Variants in SUGCT observed in about 807,000 individuals in gnomAD.
SUGCT encodes the protein succinyl-CoA:glutarate CoA-transferase.
In SUGCT, 41 loss-of-function variants were observed where a neutral mutation model predicts 55.0. The observed-to-expected ratio is 0.74, with a 90% CI of 0.58 to 0.97. The LOEUF is 0.97. Among genes scored for constraint, SUGCT ranks in the 50% least tolerant of loss-of-function variants. The pLI is 0.00. For missense variants in SUGCT, 568 were observed against 547.8 expected (o/e 1.04, Z -0.37); for synonymous variants, 187 against 200.4 (o/e 0.93, Z 0.56).
chr7:40,582,435 TTA>T (rs1319393735), intron 12 of SUGCT, among the ~76,000 whole-genome samples: 1 of 152,192 alleles, frequency 6.6e-6, no homozygotes, highest in African/African-American at 2.4e-5. Context: ...CACTACACTA[TTA>T]TAATTGAGGC....
rs548940126 is a variant in SUGCT at position 40,669,478 on chromosome 7, A to G, written c.1090-79956A>G. Among the ~76,000 whole-genome samples the G allele has an allele frequency of 2.0e-5, 3 of 152,226 alleles. No individual in the cohort carries two copies. The South Asian group carries it at 6.2e-4, about 32-fold the overall frequency. ...ATATGACAAATATTTTAAAGCAGCCATAATTAAAATACTTCAAGCAATTAT... is the reference window on the plus strand; with the variant it reads ...ATATGACAAATATTTTAAAGCAGCCGTAATTAAAATACTTCAAGCAATTAT... On this transcript the variant is annotated intron_variant, in intron 12 of 13. Transcript: ENST00000335693.
intron 12 of SUGCT, among the ~76,000 whole-genome samples, chr7:40,710,321 A>T (rs916916530): frequency 6.6e-6 from 1 of 152,188 alleles, no homozygotes; most frequent in African/African-American, 2.4e-5. Flanking sequence ...TTACTTACTG[A>T]GAAGCCATTT....
At chr7:40,478,327 T>G (rs1790823630) in intron 11 of SUGCT, among the ~76,000 whole-genome samples, 1 of 152,124 alleles carries the variant, frequency 6.6e-6, no homozygotes, top group Non-Finnish European at 1.5e-5. Flanking sequence ...ATCTAGTACT[T>G]ACTACCTGTG....
intron 9 of SUGCT, among the ~76,000 whole-genome samples, chr7:40,406,136 A>G (rs1262979542): frequency 6.6e-6 from 1 of 152,122 alleles, no homozygotes; most frequent in African/African-American, 2.4e-5. Flanking sequence ...GGGGGATAAA[A>G]TCATAGGGAG....
chr7:40,827,666 T>A (rs1425788685), intron 13 of SUGCT, among the ~76,000 whole-genome samples: 1 of 152,174 alleles, frequency 6.6e-6, no homozygotes, highest in East Asian at 1.9e-4. Context: ...TCGGGCCTGA[T>A]CCTCTCCTTG....
Position 40,664,277 on chromosome 7 carries a change from A to C in SUGCT, c.1090-85157A>C, listed in dbSNP as rs144954006. 2.0e-5 allele frequency among the ~76,000 whole-genome samples: 3 copies of C among 152,306 alleles called. No homozygotes were observed. In the East Asian group the frequency reaches 5.8e-4, roughly 29 times the overall value. ...GAATTGGAATCTGTAGTTTAAGAAA[A>C]TCTCCAGGTGATTTTTATGCATGTT... On this transcript the variant is annotated intron_variant, in intron 12 of 13. Transcript: ENST00000335693.
intron 12 of SUGCT, among the ~76,000 whole-genome samples, chr7:40,743,813 A>G (rs1042325945): frequency 1.3e-5 from 2 of 152,212 alleles, no homozygotes; most frequent in African/African-American, 2.4e-5. Flanking sequence ...ACCAGGGCCT[A>G]TGCTCAGGGC....
chr7:40,195,205 T>C, intron 6 of SUGCT, 145 bp downstream of exon 6: 1 of 819,666 alleles, frequency 1.2e-6, no homozygotes, highest in East Asian at 2.9e-5. Flanking sequence ...GTTGCTGAAC[T>C]TACTTTTTTC....
intron 9 of SUGCT, among the ~76,000 whole-genome samples, chr7:40,434,243 T>C (rs1788054924): frequency 6.6e-6 from 1 of 152,200 alleles, no homozygotes; most frequent in Middle Eastern, 3.2e-3. Context: ...CCAATTCTTT[T>C]GAGTAACTAA....
chr7:40,179,178 C>T (rs564302724), intron 1 of SUGCT, among the ~76,000 whole-genome samples: 1 of 152,330 alleles, frequency 6.6e-6, no homozygotes, highest in South Asian at 2.1e-4. Flanking sequence ...CAGGTTATCT[C>T]TGCTGTAAGC....
intron 9 of SUGCT, among the ~76,000 whole-genome samples, chr7:40,351,351 G>A (rs1797622463): frequency 6.6e-6 from 1 of 151,686 alleles, no homozygotes; most frequent in African/African-American, 2.4e-5. Flanking sequence ...TCTAAAAATG[G>A]ATCTCTTCTG....
At chr7:40,989,629 G>T in the SUGCT span, among the ~76,000 whole-genome samples, 9 of 151,768 alleles carry the variant, frequency 5.9e-5, no homozygotes, top group Non-Finnish European at 1.2e-4. Context: ...AAATCAGCTG[G>T]CCCTGGTGGT....
intron 9 of SUGCT, among the ~76,000 whole-genome samples, chr7:40,437,238 A>G (rs975771329): frequency 6.6e-6 from 1 of 152,194 alleles, no homozygotes; most frequent in Non-Finnish European, 1.5e-5. Context: ...CACACCCAGT[A>G]TCAGAAATGG....
intron 8 of SUGCT, among the ~76,000 whole-genome samples, chr7:40,287,687 T>C (rs1188371492): frequency 6.6e-6 from 1 of 152,042 alleles, no homozygotes; most frequent in Non-Finnish European, 1.5e-5. Flanking sequence ...TTAATAGAGA[T>C]GGGGTCTCAG....
the SUGCT span, among the ~76,000 whole-genome samples, chr7:40,987,450 G>C: frequency 6.6e-6 from 1 of 152,172 alleles, no homozygotes; most frequent in Non-Finnish European, 1.5e-5. Context: ...TAATTTTTTA[G>C]AACTTAATAA....
chr7:40,908,740 A>G, the SUGCT span, among the ~76,000 whole-genome samples: 10 of 152,174 alleles, frequency 6.6e-5, no homozygotes, highest in Non-Finnish European at 1.3e-4. Context: ...GAATTGGTTA[A>G]ATAAACTTTG....
At chr7:40,607,324 A>T (rs1206738459) in intron 12 of SUGCT, among the ~76,000 whole-genome samples, 1 of 152,022 alleles carries the variant, frequency 6.6e-6, no homozygotes, top group East Asian at 1.9e-4. Flanking sequence ...GGCTGGTCTC[A>T]AACTCCTGGG....
intron 12 of SUGCT, among the ~76,000 whole-genome samples, chr7:40,703,367 G>A (rs1374833623): frequency 6.6e-6 from 1 of 152,064 alleles, no homozygotes; most frequent in Non-Finnish European, 1.5e-5. Flanking sequence ...GATTTTTCCT[G>A]GAGATCTCAG....
intron 7 of SUGCT, among the ~76,000 whole-genome samples, chr7:40,251,837 T>A (rs1294133321): frequency 1.3e-5 from 2 of 152,026 alleles, no homozygotes; most frequent in Non-Finnish European, 2.9e-5. Context: ...AGGCAGCACT[T>A]CAATCTTTTG....
Sources: gnomAD v4.1 joint callset for allele counts (sites outside exome capture counted in the v4.1 genomes callset) on GRCh38, gnomAD v4.1.1 for gene constraint, MANE v1.5 for transcripts, NCBI Gene and HGNC (gene_info 2026-07-23, HGNC 2026-07-21) for gene names.